Variants in CHN1 observed in about 807,000 individuals in gnomAD.
CHN1 encodes the protein N-chimaerin.
A neutral mutation model predicts 59.5 loss-of-function variants in CHN1; 37 were observed. That is an observed-to-expected ratio of 0.62 (90% CI 0.48 to 0.82). The LOEUF is 0.82. Ranked by LOEUF, CHN1 falls within the 40% of genes least tolerant of loss-of-function variation. CHN1 has a pLI of 0.00. For missense variants in CHN1, 469 were observed against 571.0 expected (o/e 0.82, Z 1.82); for synonymous variants, 206 against 200.4 (o/e 1.03, Z -0.24).
intron 5 of CHN1, among the ~76,000 whole-genome samples, chr2:174,889,119 C>T (rs1280085168): frequency 6.6e-6 from 1 of 152,162 alleles, no homozygotes; most frequent in East Asian, 1.9e-4. Flanking sequence ...AAAAAGAAAC[C>T]AGCAAATCTC....
intron 3 of CHN1, among the ~76,000 whole-genome samples, chr2:174,935,048 T>C (rs368298603): frequency 6.6e-5 from 10 of 152,222 alleles, no homozygotes; most frequent in African/African-American, 2.4e-4. Context: ...ATACTTTCAC[T>C]TCTATAGTCT....
At chr2:174,883,116 T>C (rs1687783456) in intron 5 of CHN1, among the ~76,000 whole-genome samples, 1 of 152,212 alleles carries the variant, frequency 6.6e-6, no homozygotes, top group South Asian at 2.1e-4. Context: ...AGAAGCCATC[T>C]TCTGAACAGT....
At chr2:174,914,317 C>T (rs1299153113) in intron 5 of CHN1, among the ~76,000 whole-genome samples, 1 of 152,118 alleles carries the variant, frequency 6.6e-6, no homozygotes, top group Non-Finnish European at 1.5e-5. Context: ...GTACTGTAAG[C>T]CAAAACACTA....
At chr2:174,993,560 CT>C (rs1295377405) in intron 1 of CHN1, among the ~76,000 whole-genome samples, 1 of 151,274 alleles carries the variant, frequency 6.6e-6, no homozygotes, top group African/African-American at 2.4e-5. Context: ...TCAATAAGTC[CT>C]TGGTAATGGG....
At chr2:174,984,365 G>A (rs1207530807) in intron 1 of CHN1, among the ~76,000 whole-genome samples, 2 of 139,220 alleles carry the variant, frequency 1.4e-5, no homozygotes, top group East Asian at 4.1e-4. Context: ...TGTTTTATAA[G>A]CTTTTTTTTT....
At chr2:174,944,850 T>G in intron 3 of CHN1, 38 bp downstream of exon 3, 4 of 1,505,038 alleles carry the variant, frequency 2.7e-6, no homozygotes, top group Non-Finnish European at 3.6e-6. Context: ...AACAGATGGT[T>G]GAGAGACATT....
intron 6 of CHN1, among the ~76,000 whole-genome samples, chr2:174,867,634 T>C (rs17198276): frequency 0.33 from 49,394 of 151,960 alleles, 9,331 homozygotes; most frequent in Admixed American, 0.46. Flanking sequence ...ATAATGAATA[T>C]TGAAAGAATG....
chr2:174,900,641 A>G (rs903225966), intron 5 of CHN1, among the ~76,000 whole-genome samples: 18 of 152,244 alleles, frequency 1.2e-4, no homozygotes, highest in Admixed American at 8.5e-4. Flanking sequence ...CTGCGTCTCT[A>G]CTAAAAATAC....
At chr2:174,830,908 A>G (rs915778779) in intron 7 of CHN1, among the ~76,000 whole-genome samples, 1 of 152,244 alleles carries the variant, frequency 6.6e-6, no homozygotes, top group African/African-American at 2.4e-5. Flanking sequence ...CAAATGACAG[A>G]AAATTGGTGA....
At chr2:174,859,720 G>T (rs1223522615) in intron 6 of CHN1, among the ~76,000 whole-genome samples, 1 of 152,116 alleles carries the variant, frequency 6.6e-6, no homozygotes, top group South Asian at 2.1e-4. Context: ...TGGAAACCAG[G>T]CCTTCTGACT....
At chr2:174,869,234 TCAA>T (rs1387581920) in intron 6 of CHN1, among the ~76,000 whole-genome samples, 1 of 152,210 alleles carries the variant, frequency 6.6e-6, no homozygotes, top group Non-Finnish European at 1.5e-5. Context: ...CGACTGAACT[TCAA>T]CAAGTTACAC....
chr2:174,865,875 T>C (rs1687201116), intron 6 of CHN1, among the ~76,000 whole-genome samples: 1 of 152,066 alleles, frequency 6.6e-6, no homozygotes, highest in South Asian at 2.1e-4. Flanking sequence ...GGGTAGAAAA[T>C]TATGGCAGCT....
rs940741301 is a variant in CHN1, at chr2:174,995,376, G to A, written c.19+9518C>T. ...GCATGATGAAATCTTACACTACACA[G>A]CTCCATCCCACCAAGCAGTGGTCCC... On this transcript the variant is annotated intron_variant, in intron 1 of 12. Coordinates refer to ENST00000409900, the MANE Select transcript of CHN1 (RefSeq NM_001822.7). Among the ~76,000 whole-genome samples the A allele has an allele frequency of 2.0e-5, 3 of 152,292 alleles. 1 individual carries two copies. The highest frequency in any genetic ancestry group is 6.8e-3 in the Middle Eastern group (2 of 294).
At chr2:174,839,298 TAAAG>T (rs1199675886) in intron 7 of CHN1, among the ~76,000 whole-genome samples, 1 of 152,110 alleles carries the variant, frequency 6.6e-6, no homozygotes, top group African/African-American at 2.4e-5. Context: ...TTTATATCCT[TAAAG>T]AAAGTATGGT....
intron 3 of CHN1, among the ~76,000 whole-genome samples, chr2:174,933,174 A>G (rs765663805): frequency 2.6e-5 from 4 of 152,190 alleles, no homozygotes; most frequent in Admixed American, 6.5e-5. Flanking sequence ...AACTGGATAT[A>G]TATGTGTGTA....
intron 1 of CHN1, among the ~76,000 whole-genome samples, chr2:175,002,756 T>C (rs1187137869): frequency 6.6e-6 from 1 of 152,148 alleles, no homozygotes; most frequent in Non-Finnish European, 1.5e-5. Flanking sequence ...TCTGGTTAGG[T>C]CCCTGCCTCT....
chr2:174,979,750 G>A (rs1559007761), intron 1 of CHN1, among the ~76,000 whole-genome samples: 1 of 152,020 alleles, frequency 6.6e-6, no homozygotes, highest in African/African-American at 2.4e-5. Flanking sequence ...GCATGGTGGT[G>A]GGCGCCTGTA....
chr2:174,870,444 C>A (rs900184252), intron 6 of CHN1, among the ~76,000 whole-genome samples: 3 of 152,170 alleles, frequency 2.0e-5, no homozygotes, highest in Non-Finnish European at 2.9e-5. Context: ...GTTTTCCAAT[C>A]TCTGAGAGGT....
intron 3 of CHN1, among the ~76,000 whole-genome samples, chr2:174,923,965 T>C (rs188625235): frequency 1.8e-4 from 28 of 152,326 alleles, no homozygotes; most frequent in Admixed American, 1.4e-3. Context: ...CTTTCCTGTA[T>C]TTTTATAATT....
Sources: gnomAD v4.1 joint callset for allele counts (sites outside exome capture counted in the v4.1 genomes callset) on GRCh38, gnomAD v4.1.1 for gene constraint, MANE v1.5 for transcripts, NCBI Gene and HGNC (gene_info 2026-07-23, HGNC 2026-07-21) for gene names.